Variants in MYRF observed in about 807,000 individuals in gnomAD.
MYRF encodes myelin regulatory factor, also known as myelin gene regulatory factor.
Under a neutral mutation model 126.3 loss-of-function variants are expected in MYRF, and 16 were observed. That is an observed-to-expected ratio of 0.13 (90% CI 0.09 to 0.19). MYRF has a LOEUF of 0.19. Ranked by LOEUF, MYRF falls within the 10% of genes least tolerant of loss-of-function variation. The pLI, the probability that MYRF is intolerant of heterozygous loss-of-function variation, is 1.00. For missense variants in MYRF, 1,104 were observed against 1,547.0 expected (o/e 0.71, Z 4.80); for synonymous variants, 608 against 635.3 (o/e 0.96, Z 0.65).
rs2135893483 is a variant in MYRF, at chr11:61,783,758, G to A, written c.3120-93G>A. The A allele has an allele frequency of 1.4e-6, 2 of 1,398,878 alleles. No individual in the cohort carries two copies. The highest frequency in any genetic ancestry group is 9.9e-7 in the Non-Finnish European group (1 of 1,011,048). The allele number at this position is 1,398,878 out of a possible 1,614,324, so 86.7% of individuals were successfully genotyped here. A position where few individuals can be genotyped will look rare whatever the true frequency, so the allele number is the denominator to read the frequency against. Reference sequence around the variant, plus strand: ...CCCTTGGACACTGTCTCTTCTGGAGGGCTCCAGTACAGATTGGGGGCTGAG... The same window carrying A: ...CCCTTGGACACTGTCTCTTCTGGAGAGCTCCAGTACAGATTGGGGGCTGAG... On this transcript the variant is annotated intron_variant, in intron 23 of 26. Transcript: ENST00000278836. This position sits in a 1 kb window ranked among gnomAD's most constrained non-coding sequence, Gnocchi z 4.6.
intron 1 of MYRF, among the ~76,000 whole-genome samples, chr11:61,760,031 C>T (rs1032618153): frequency 2.0e-5 from 3 of 151,744 alleles, no homozygotes; most frequent in Non-Finnish European, 4.4e-5. Context: ...TGTGGTGGCA[C>T]GATCTCGGCT....
At chr11:61,784,129 C>A in intron 24 of MYRF, 151 bp from the exon 25 acceptor site, 1 of 963,530 alleles carries the variant, frequency 1.0e-6, no homozygotes. Context: ...ATGGGATGGT[C>A]GATGGGAAAG....
rs1591121300 is a variant in MYRF, at chr11:61,778,409, T to C, written c.1933T>C (p.Leu645=). The change falls in exon 14 of 27, where the codon TTG becomes CTG. Residue 645 remains leucine, a synonymous_variant. Transcript: ENST00000278836. This position sits in a 1 kb window ranked among gnomAD's most constrained non-coding sequence, Gnocchi z 4.6. ...CATCGCTCAGGAGGTGAAGGAGATCTTGCCTGAGGCTGTGAAAGACACCGG... is the reference window on the plus strand; with the variant it reads ...CATCGCTCAGGAGGTGAAGGAGATCCTGCCTGAGGCTGTGAAAGACACCGG... ...GVIAQEVKEI[L]PEAVKDTGDM... is the part of the protein sequence containing the mutation. 4 of 1,614,086 alleles carry C rather than the reference T, an allele frequency of 2.5e-6. No homozygotes were observed. The highest frequency in any genetic ancestry group is 2.5e-6 in the Non-Finnish European group (3 of 1,179,954).
Position 61,766,065 on chromosome 11 carries a change from G to A in MYRF, c.242G>A (p.Gly81Glu), listed in dbSNP as rs751187766. 1 of 1,604,344 alleles carries A rather than the reference G, an allele frequency of 6.2e-7. No homozygotes were observed. The highest frequency in any genetic ancestry group is 8.5e-7 in the Non-Finnish European group (1 of 1,178,130). The change falls in exon 3 of 27, where the codon GGA becomes GAA. Residue 81 changes from glycine (G) to glutamate (E), a missense_variant. Physicochemically the swap from Gly to Glu is moderately conservative, Grantham distance 98 (BLOSUM62 -2). This residue lies in a region of MYRF where 368 missense variants were observed against 403.9 expected (regional missense o/e 0.91). Coordinates refer to ENST00000278836, the MANE Select transcript of MYRF (RefSeq NM_001127392.3). ...GVHHLSPPGG[G>E]PSPGRHGPLP... is the part of the protein sequence containing the mutation. ...CACCACCTGAGCCCCCCTGGGGGTG[G>A]ACCCTCCCCGGGGCGCCATGGTCCC...
intron 5 of MYRF, among the ~76,000 whole-genome samples, chr11:61,770,917 AC>A (rs2135785545): frequency 6.6e-6 from 1 of 152,104 alleles, no homozygotes; most frequent in South Asian, 2.1e-4. Flanking sequence ...TTCTTCCTAG[AC>A]CCAAGCCCCC....
At position 61,786,296 on chromosome 11, in the gene MYRF, C is replaced by A; in HGVS notation, c.*153C>A. 1 of 725,078 alleles carries A rather than the reference C, an allele frequency of 1.4e-6. No individual in the cohort carries two copies. Among genetic ancestry groups the A allele is most frequent in the Non-Finnish European group, 2.3e-6 (1 of 432,200 alleles). The allele number at this position is 725,078 out of a possible 1,614,324, so 44.9% of individuals were successfully genotyped here. ...ACTGGTGAAACTGGAAGTCTTCACA[C>A]TGGAGTTGCTGTTCCAGCTGGTCGC... On this transcript the variant is annotated 3_prime_UTR_variant, in exon 27 of 27. Coordinates refer to ENST00000278836, the MANE Select transcript of MYRF (RefSeq NM_001127392.3). This position sits in a 1 kb window ranked among gnomAD's most constrained non-coding sequence, Gnocchi z 4.5.
intron 7 of MYRF, among the ~76,000 whole-genome samples, chr11:61,772,876 T>C (rs2135801609): frequency 6.6e-6 from 1 of 152,330 alleles, no homozygotes; most frequent in East Asian, 1.9e-4. Context: ...CCCAGAGGCC[T>C]CTTCCCACAA....
In MYRF at chr11:61,752,653, G is replaced by C. The variant is rs977022675; in HGVS notation, c.-92G>C. Reference sequence around the variant, plus strand: ...GCGGGACCGTAGCCGGAGCCCAGCCGGGACTGTCGCGCGGGCCGCGCCGGC... The same window carrying C: ...GCGGGACCGTAGCCGGAGCCCAGCCCGGACTGTCGCGCGGGCCGCGCCGGC... On this transcript the variant is annotated 5_prime_UTR_variant, in exon 1 of 27. Coordinates refer to ENST00000278836, the MANE Select transcript of MYRF (RefSeq NM_001127392.3). The C allele has an allele frequency of 1.9e-6, 2 of 1,031,608 alleles. No individual in the cohort carries two copies. Among genetic ancestry groups the C allele is most frequent in the Non-Finnish European group, 2.5e-6 (2 of 813,332 alleles). 63.9% of individuals were successfully genotyped at this position (1,031,608 alleles called of 1,614,324 possible). A position where few individuals can be genotyped will look rare whatever the true frequency, so the allele number is the denominator to read the frequency against.
intron 5 of MYRF, among the ~76,000 whole-genome samples, chr11:61,771,266 TGTG>T (rs2066211532): frequency 6.6e-6 from 1 of 152,170 alleles, no homozygotes. Flanking sequence ...CCAAGTCAGG[TGTG>T]GCTCCTGTCC....
In MYRF at chr11:61,770,383, G is replaced by A; in HGVS notation, c.598G>A (p.Val200Ile). Residue 200 changes from valine (V) to isoleucine (I), a missense_variant, in exon 5 of 27, where the codon GTC becomes ATC. By Grantham distance (29) the Val-to-Ile change is conservative. Transcript: ENST00000278836. ...CCCACCACCCCCACCTCACTACCCT[G>A]TCCTGCAGCGGGATCTGTACATGAA... ...PPPPPPPHYPVLQRDLYMKAE... is the reference protein window; with the variant it reads ...PPPPPPPHYPILQRDLYMKAE... The A allele has an allele frequency of 2.4e-6, 3 of 1,273,730 alleles. No homozygotes were observed. Among genetic ancestry groups the A allele is most frequent in the South Asian group, 1.3e-5 (1 of 79,006 alleles). 78.9% of individuals were successfully genotyped at this position (1,273,730 alleles called of 1,614,324 possible).
At chr11:61,769,139 C>T (rs923373040) in intron 3 of MYRF, 121 bp from the exon 4 acceptor site, 8 of 637,098 alleles carry the variant, frequency 1.3e-5, no homozygotes, top group Middle Eastern at 2.5e-4. Flanking sequence ...GTGGATGTGA[C>T]GAAACCTCAG....
rs1309427149 is a variant in MYRF, at chr11:61,776,332, C to T, written c.1399C>T (p.Pro467Ser). 5 of 1,612,528 alleles carry T rather than the reference C, an allele frequency of 3.1e-6. No homozygotes were observed. The highest frequency in any genetic ancestry group is 4.2e-6 in the Non-Finnish European group (5 of 1,179,462). The change falls in exon 10 of 27, where the codon CCC (proline) becomes TCC (serine). Residue 467 changes from proline (P) to serine (S), a missense_variant. This residue lies in a region of MYRF where 23 missense variants were observed against 26.6 expected (regional missense o/e 0.86). Coordinates refer to ENST00000278836, the MANE Select transcript of MYRF (RefSeq NM_001127392.3). This position sits in a 1 kb window ranked among gnomAD's most constrained non-coding sequence, Gnocchi z 4.3. ...RPFNPVTVNL[P>S]PEQVTKVTVG... ...GCCTCTCCTCTGCAGGGTCAATCTG[C>T]CCCCTGAGCAGGTCACGAAGGTGAC...
At chr11:61,767,960 A>C (rs1427341739) in intron 3 of MYRF, among the ~76,000 whole-genome samples, 2 of 151,930 alleles carry the variant, frequency 1.3e-5, no homozygotes, top group Non-Finnish European at 2.9e-5. Context: ...TGTACTAAAA[A>C]TACAAAAATT....
At chr11:61,769,402 A>T (rs2066146660) in intron 4 of MYRF, 81 bp downstream of exon 4, 2 of 1,061,444 alleles carry the variant, frequency 1.9e-6, no homozygotes, top group Non-Finnish European at 2.9e-6. Flanking sequence ...GTAGGGGAGG[A>T]GGGAGGGGGC....
intron 21 of MYRF, 51 bp from the exon 22 acceptor site, chr11:61,781,522 A>G: frequency 1.3e-6 from 2 of 1,584,304 alleles, no homozygotes; most frequent in Non-Finnish European, 1.7e-6. Flanking sequence ...ACAGCTGGAC[A>G]GGAAGCAGCC....
Position 61,770,363 on chromosome 11 carries a change from C to T in MYRF, c.578C>T (p.Pro193Leu). The T allele has an allele frequency of 6.5e-7, 1 of 1,533,468 alleles. No individual in the cohort carries two copies. The highest frequency in any genetic ancestry group is 2.1e-4 in the Middle Eastern group (1 of 4,678). The allele number at this position is 1,533,468 out of a possible 1,614,324, so 95.0% of individuals were successfully genotyped here. The change falls in exon 5 of 27, where the codon CCA becomes CTA. Residue 193 changes from proline (P) to leucine (L), a missense_variant. Transcript: ENST00000278836. ...TTGCCAGGCCCCCCGCCACCCCCAC[C>T]ACCCCCACCTCACTACCCTGTCCTG... ...AHLPGPPPPP[P>L]PPPHYPVLQR... is the part of the protein sequence containing the mutation.
intron 8 of MYRF, 132 bp from the exon 9 acceptor site, chr11:61,775,924 G>T: frequency 3.9e-6 from 3 of 778,814 alleles, no homozygotes; most frequent in Non-Finnish European, 4.3e-6. Flanking sequence ...TGTGGGAATC[G>T]CGGCTGAGGG....
At chr11:61,785,752 G>C in intron 25 of MYRF, 48 bp from the exon 26 acceptor site, 1 of 1,514,030 alleles carries the variant, frequency 6.6e-7, no homozygotes, top group South Asian at 1.1e-5. Flanking sequence ...GATGCTGGTT[G>C]GGATAAGGGC....
chr11:61,766,338 C>T (rs1483452624), intron 3 of MYRF, 117 bp downstream of exon 3: 1 of 1,179,884 alleles, frequency 8.5e-7, no homozygotes, highest in Non-Finnish European at 1.2e-6. Flanking sequence ...GGCTGGGTGA[C>T]TGGCTGTGCG....
Sources: gnomAD v4.1 joint callset for allele counts (sites outside exome capture counted in the v4.1 genomes callset) on GRCh38, gnomAD v4.1.1 for gene constraint, gnomAD v4.1.1 regional missense constraint, Gnocchi (gnomAD v3.1) non-coding constraint, MANE v1.5 for transcripts, NCBI Gene and HGNC (gene_info 2026-07-23, HGNC 2026-07-21) for gene names.